Variants in GPR39 observed in about 807,000 individuals in gnomAD.
GPR39 encodes the protein G protein-coupled receptor 39.
Under a neutral mutation model 18.4 loss-of-function variants are expected in GPR39, and 23 were observed. That is an observed-to-expected ratio of 1.25 (90% CI 0.90 to 1.77). The LOEUF is 1.77. Among genes scored for constraint, GPR39 ranks in the 40% most tolerant of loss-of-function variants. The pLI, the probability that GPR39 is intolerant of heterozygous loss-of-function variation, is 0.00. For synonymous variants in GPR39, 280 were observed against 257.9 expected, an observed-to-expected ratio of 1.09 and a Z score of -0.82; for missense variants, 647 against 602.4, an observed-to-expected ratio of 1.07 and a Z score of -0.78.
chr2:132,574,155 GA>G (rs1680491508), intron 1 of GPR39, among the ~76,000 whole-genome samples: 1 of 152,154 alleles, frequency 6.6e-6, no homozygotes. Flanking sequence ...GGTCATTTTG[GA>G]TGTTTCCAAT....
At chr2:132,585,938 A>G (rs1457075251) in intron 1 of GPR39, among the ~76,000 whole-genome samples, 1 of 129,634 alleles carries the variant, frequency 7.7e-6, no homozygotes, top group African/African-American at 3.0e-5. Context: ...GGCTTCTCGA[A>G]GCATCCCCGG....
intron 1 of GPR39, among the ~76,000 whole-genome samples, chr2:132,526,524 A>C (rs965991551): frequency 2.0e-5 from 3 of 152,204 alleles, no homozygotes; most frequent in African/African-American, 4.8e-5. Context: ...GTTTTTCTTA[A>C]TGTGAGAAAC....
chr2:132,492,667 T>TATATATATAATATATATACACACC lies in GPR39; in HGVS notation c.856+74779_856+74802dup, dbSNP rs1681508015. 1.0e-4 allele frequency among the ~76,000 whole-genome samples: 14 copies of TATATATATAATATATATACACACC among 134,860 alleles called. 1 individual carries two copies. The highest frequency in any genetic ancestry group is 2.3e-4 in the South Asian group (1 of 4,396). The allele number at this position is 134,860 out of a possible 152,430, so 88.5% of individuals were successfully genotyped here. The stretch of plus-strand genomic sequence containing the variant: ...CTATATATAATATATATACACACCA[T>TATATATATAATATATATACACACC]ATATATATAATATATATACACACCA... On this transcript the variant is annotated intron_variant, in intron 1 of 1. Transcript: ENST00000329321.
chr2:132,429,153 C>G (rs1015358510), intron 1 of GPR39, among the ~76,000 whole-genome samples: 2 of 152,152 alleles, frequency 1.3e-5, no homozygotes, highest in Non-Finnish European at 2.9e-5. Flanking sequence ...ATGAAGGTAT[C>G]GTTATCCTCA....
intron 1 of GPR39, among the ~76,000 whole-genome samples, chr2:132,515,701 T>C (rs2104762544): frequency 6.6e-6 from 1 of 152,272 alleles, no homozygotes; most frequent in African/African-American, 2.4e-5. Flanking sequence ...CCTAAGAATG[T>C]CACTCTCTGA....
chr2:132,417,645 G>T lies in GPR39; in HGVS notation c.603G>T (p.Gln201His), dbSNP rs776568492. 1.2e-6 allele frequency: 2 copies of T among 1,613,934 alleles called. No homozygotes were observed. The highest frequency in any genetic ancestry group is 4.5e-5 in the East Asian group (2 of 44,866). The change falls in exon 1 of 2, where the codon CAG becomes CAT. Residue 201 changes from glutamine (Q) to histidine (H), a missense_variant. By Grantham distance (24) the Gln-to-His change is conservative. This residue lies in a region of GPR39 where 581 missense variants were observed against 506.8 expected (regional missense o/e 1.15). Coordinates refer to ENST00000329321, the MANE Select transcript of GPR39 (RefSeq NM_001508.3). ...GCTCCAGCACCCGCCACCACGAGCA[G>T]CCCGAGACCTCCAATATGTCCATCT... is the stretch of plus-strand genomic sequence containing the variant. ...CNRSSTRHHE[Q>H]PETSNMSICT...
chr2:132,482,510 C>A (rs1412625019), intron 1 of GPR39, among the ~76,000 whole-genome samples: 3 of 152,146 alleles, frequency 2.0e-5, no homozygotes, highest in Non-Finnish European at 4.4e-5. Flanking sequence ...GGCATCACTT[C>A]TACCACATTA....
intron 1 of GPR39, among the ~76,000 whole-genome samples, chr2:132,434,001 T>C (rs1680267619): frequency 6.6e-6 from 1 of 151,944 alleles, no homozygotes; most frequent in Non-Finnish European, 1.5e-5. Flanking sequence ...TTTAGACATT[T>C]GGCTTAAGAA....
rs113114781 is a variant in GPR39 at position 132,416,954 on chromosome 2, G to T, written c.-89G>T. The T allele has an allele frequency of 1.2e-4, 184 of 1,485,706 alleles. No homozygotes were observed. The African/African-American group carries it at 2.1e-3, about 17-fold the overall frequency. 92.0% of individuals were successfully genotyped at this position (1,485,706 alleles called of 1,614,324 possible). A position where few individuals can be genotyped will look rare whatever the true frequency, so the allele number is the denominator to read the frequency against. On this transcript the variant is annotated 5_prime_UTR_variant, in exon 1 of 2. An upstream open reading frame in the 5' UTR gains an earlier in-frame stop. Transcript: ENST00000329321. ...GATAAAATCGTGCGCCCACGCAGGT[G>T]AGTTTGCAGCCAAGAATTTTGGACG... is the stretch of plus-strand genomic sequence containing the variant.
intron 1 of GPR39, among the ~76,000 whole-genome samples, chr2:132,592,546 C>T (rs1680864481): frequency 6.6e-6 from 1 of 152,114 alleles, no homozygotes; most frequent in Non-Finnish European, 1.5e-5. Flanking sequence ...GAGCTGGATG[C>T]AGAGCCATTG....
chr2:132,449,294 C>G (rs1219664977), intron 1 of GPR39, among the ~76,000 whole-genome samples: 1 of 152,126 alleles, frequency 6.6e-6, no homozygotes, highest in East Asian at 1.9e-4. Flanking sequence ...GTCACGCAGG[C>G]TGGAGTACAA....
intron 1 of GPR39, among the ~76,000 whole-genome samples, chr2:132,442,981 T>C (rs1196827230): frequency 6.6e-6 from 1 of 152,234 alleles, no homozygotes; most frequent in Non-Finnish European, 1.5e-5. Flanking sequence ...AGATTTAATT[T>C]ACATTAAAAT....
intron 1 of GPR39, among the ~76,000 whole-genome samples, chr2:132,461,546 A>ATTT (rs1026751865): frequency 6.6e-6 from 1 of 152,230 alleles, no homozygotes; most frequent in African/African-American, 2.4e-5. Context: ...AGCTGTAATC[A>ATTT]TTTTGGTCTG....
chr2:132,638,775 T>C (rs1681810923), intron 1 of GPR39, among the ~76,000 whole-genome samples: 1 of 152,250 alleles, frequency 6.6e-6, no homozygotes, highest in Non-Finnish European at 1.5e-5. Context: ...CCACTGGCAA[T>C]TGCTATTTAA....
At chr2:132,418,961 G>T (rs918776307) in intron 1 of GPR39, among the ~76,000 whole-genome samples, 10 of 152,194 alleles carry the variant, frequency 6.6e-5, no homozygotes, top group South Asian at 2.1e-4. Flanking sequence ...TGGGCAGCAG[G>T]TTCCAGGGAC....
intron 1 of GPR39, among the ~76,000 whole-genome samples, chr2:132,552,223 T>C (rs977324980): frequency 2.6e-5 from 4 of 152,216 alleles, no homozygotes; most frequent in African/African-American, 9.6e-5. Flanking sequence ...CCTTACCAAA[T>C]CTCATGTTGA....
At chr2:132,599,035 C>G (rs556898963) in intron 1 of GPR39, among the ~76,000 whole-genome samples, 54 of 151,824 alleles carry the variant, frequency 3.6e-4, no homozygotes, top group Non-Finnish European at 5.9e-4. Flanking sequence ...GGTGGAGGTG[C>G]GGTGGTGGTG....
chr2:132,583,703 C>T (rs1573681048), intron 1 of GPR39, among the ~76,000 whole-genome samples: 1 of 151,434 alleles, frequency 6.6e-6, no homozygotes, highest in Non-Finnish European at 1.5e-5. Context: ...ACGTCTGAGG[C>T]CTCAGGAAGA....
chr2:132,462,552 A>G (rs940680106), intron 1 of GPR39, among the ~76,000 whole-genome samples: 2 of 152,228 alleles, frequency 1.3e-5, no homozygotes, highest in Admixed American at 6.5e-5. Context: ...TTAATGTTAC[A>G]TCTTACACCA....
Sources: gnomAD v4.1 joint callset for allele counts (sites outside exome capture counted in the v4.1 genomes callset) on GRCh38, gnomAD v4.1.1 for gene constraint, gnomAD v4.1.1 regional missense constraint, MANE v1.5 for transcripts, NCBI Gene and HGNC (gene_info 2026-07-23, HGNC 2026-07-21) for gene names.